Variants in PTPRO observed in about 807,000 individuals in gnomAD.
PTPRO encodes the protein receptor-type tyrosine-protein phosphatase O.
A neutral mutation model predicts 145.2 loss-of-function variants in PTPRO; 62 were observed. The observed-to-expected ratio is 0.43, with a 90% confidence interval of 0.35 to 0.53. The LOEUF (loss-of-function observed/expected upper bound fraction) is 0.53. PTPRO is among the 20% of genes least tolerant of loss of function. The pLI is 0.01. For synonymous variants in PTPRO, 565 were observed against 514.7 expected, an observed-to-expected ratio of 1.10 and a Z score of -1.32; for missense variants, 1,345 against 1,482.7, an observed-to-expected ratio of 0.91 and a Z score of 1.53.
chr12:15,575,559 C>T (rs1465686909), intron 19 of PTPRO, among the ~76,000 whole-genome samples: 1 of 152,204 alleles, frequency 6.6e-6, no homozygotes, highest in Non-Finnish European at 1.5e-5. Context: ...CCCAAGCCAA[C>T]TAATGTAATG....
At chr12:15,438,107 T>A (rs1014759786) in intron 1 of PTPRO, among the ~76,000 whole-genome samples, 1 of 151,946 alleles carries the variant, frequency 6.6e-6, no homozygotes, top group Non-Finnish European at 1.5e-5. Context: ...GAAGAAAAAC[T>A]GAAAGACCCT....
chr12:15,537,687 C>G lies in PTPRO; in HGVS notation c.2165-8882C>G, dbSNP rs76038745. Among the ~76,000 whole-genome samples, 1,116 of 152,184 alleles carry G rather than the reference C, an allele frequency of 7.3e-3. 14 individuals carry two copies. Among genetic ancestry groups the G allele is most frequent in the African/African-American group, 0.026 (1,067 of 41,514 alleles). On this transcript the variant is annotated intron_variant, in intron 12 of 26. Coordinates refer to ENST00000281171, the MANE Select transcript of PTPRO (RefSeq NM_030667.3). ...TAGTTTTTTGTTTTTATTTTGTTTT[C>G]TTTAAGTGAGTGAAAACAGCTTGTC... is the stretch of plus-strand genomic sequence containing the variant.
chr12:15,475,661 A>G (rs1396323878), intron 1 of PTPRO, among the ~76,000 whole-genome samples: 2 of 152,198 alleles, frequency 1.3e-5, no homozygotes, highest in Admixed American at 1.3e-4. Flanking sequence ...GTTAAAAGTA[A>G]AAGGATTTTC....
At chr12:15,450,923 AAAG>A (rs1941029554) in intron 1 of PTPRO, among the ~76,000 whole-genome samples, 1 of 152,100 alleles carries the variant, frequency 6.6e-6, no homozygotes, top group African/African-American at 2.4e-5. Context: ...AAACAACAAT[AAAG>A]AAAAAAAAGG....
At chr12:15,421,182 C>G (rs569309186) in intron 1 of PTPRO, among the ~76,000 whole-genome samples, 1 of 152,298 alleles carries the variant, frequency 6.6e-6, no homozygotes. Flanking sequence ...CTACATAGAA[C>G]CACAGTTCCT....
intron 22 of PTPRO, among the ~76,000 whole-genome samples, chr12:15,581,298 CTTTTT>C (rs147606138): frequency 2.4e-5 from 3 of 123,030 alleles, no homozygotes; most frequent in Non-Finnish European, 3.2e-5. Context: ...TGAGTGCTTT[CTTTTT>C]TTTTTTTTTT....
rs1037355494 is a variant in PTPRO at position 15,581,923 on chromosome 12, G to T, written c.3255+122G>T. 3 of 1,305,758 alleles carry T rather than the reference G, an allele frequency of 2.3e-6. No individual in the cohort carries two copies. In the African/African-American group the frequency reaches 4.4e-5, roughly 19 times the overall value. 80.9% of individuals were successfully genotyped at this position (1,305,758 alleles called of 1,614,324 possible). ...TTACAGACACACACACAAAAATATC[G>T]AGTGTGGAGTGGGAAATCAGGGGTC... is the stretch of plus-strand genomic sequence containing the variant. On this transcript the variant is annotated intron_variant, in intron 23 of 26. Coordinates refer to ENST00000281171, the MANE Select transcript of PTPRO (RefSeq NM_030667.3).
chr12:15,500,079 A>ATAGG (rs1942187483), intron 4 of PTPRO, among the ~76,000 whole-genome samples: 2 of 99,990 alleles, frequency 2.0e-5, no homozygotes, highest in Non-Finnish European at 4.7e-5. Context: ...GGATAGATGG[A>ATAGG]TGGGTGGATG....
chr12:15,451,153 A>C (rs1941035767), intron 1 of PTPRO, among the ~76,000 whole-genome samples: 2 of 152,190 alleles, frequency 1.3e-5, no homozygotes, highest in Admixed American at 1.3e-4. Flanking sequence ...CATTCCATGC[A>C]AATGGACACA....
chr12:15,523,652 G>T (rs999443122), intron 10 of PTPRO, among the ~76,000 whole-genome samples: 1 of 152,104 alleles, frequency 6.6e-6, no homozygotes, highest in Non-Finnish European at 1.5e-5. Flanking sequence ...GCCTGTACCT[G>T]TAGTCCTAGC....
At chr12:15,590,349 C>T (rs780627737) in intron 25 of PTPRO, among the ~76,000 whole-genome samples, 2 of 152,198 alleles carry the variant, frequency 1.3e-5, no homozygotes, top group Admixed American at 6.5e-5. Flanking sequence ...ACAGCTTGTT[C>T]ATAAGCCTCA....
chr12:15,464,394 AC>A (rs1248074846), intron 1 of PTPRO, among the ~76,000 whole-genome samples: 2 of 136,100 alleles, frequency 1.5e-5, no homozygotes, highest in Non-Finnish European at 3.4e-5. Flanking sequence ...TCACTCTGTC[AC>A]CCAGGCTGGT....
At chr12:15,397,624 C>T (rs1939377938) in intron 1 of PTPRO, among the ~76,000 whole-genome samples, 1 of 152,138 alleles carries the variant, frequency 6.6e-6, no homozygotes, top group South Asian at 2.1e-4. Flanking sequence ...TCTCAATGAC[C>T]CACAAGGCAT....
intron 7 of PTPRO, among the ~76,000 whole-genome samples, chr12:15,513,143 GAAA>G (rs879426696): frequency 0.07 from 2,447 of 35,180 alleles, 277 homozygotes; most frequent in Admixed American, 0.11. Context: ...AAGGAAGGAA[GAAA>G]GAAAGAAAGA....
rs530513549 is a variant in PTPRO at position 15,431,843 on chromosome 12, A to G, written c.76-52131A>G. 1.2e-4 allele frequency among the ~76,000 whole-genome samples: 18 copies of G among 152,288 alleles called. No homozygotes were observed. In the South Asian group the frequency reaches 3.5e-3, roughly 30 times the overall value. ...TTTCTTTTTTGAACCTGCTTTTCCAATCTAGATAAGCATGTCTAGTCTCAT... is the reference window on the plus strand; with the variant it reads ...TTTCTTTTTTGAACCTGCTTTTCCAGTCTAGATAAGCATGTCTAGTCTCAT... On this transcript the variant is annotated intron_variant, in intron 1 of 26. Coordinates refer to ENST00000281171, the MANE Select transcript of PTPRO (RefSeq NM_030667.3).
At chr12:15,489,936 G>A (rs962335668) in intron 2 of PTPRO, among the ~76,000 whole-genome samples, 1 of 152,160 alleles carries the variant, frequency 6.6e-6, no homozygotes, top group Admixed American at 6.5e-5. Flanking sequence ...GCAAATAATG[G>A]AGGCATACAT....
chr12:15,590,634 CTG>C (rs1161074730), intron 25 of PTPRO, among the ~76,000 whole-genome samples: 6 of 152,158 alleles, frequency 3.9e-5, no homozygotes, highest in African/African-American at 1.2e-4. Flanking sequence ...CCATTCTTGT[CTG>C]ACCAATTTTT....
At chr12:15,554,024 G>A (rs1366674502) in intron 15 of PTPRO, among the ~76,000 whole-genome samples, 1 of 152,124 alleles carries the variant, frequency 6.6e-6, no homozygotes, top group Non-Finnish European at 1.5e-5. Context: ...AAGAAACCCT[G>A]TCTCTACTGA....
intron 1 of PTPRO, among the ~76,000 whole-genome samples, chr12:15,430,776 G>C (rs1384057334): frequency 6.6e-6 from 1 of 152,108 alleles, no homozygotes; most frequent in African/African-American, 2.4e-5. Flanking sequence ...TAATTAGCTT[G>C]ATTTAACCAT....
Sources: gnomAD v4.1 joint callset for allele counts (sites outside exome capture counted in the v4.1 genomes callset) on GRCh38, gnomAD v4.1.1 for gene constraint, MANE v1.5 for transcripts, NCBI Gene and HGNC (gene_info 2026-07-23, HGNC 2026-07-21) for gene names.